The following PTPRK variants were observed in gnomAD, a reference collection of about 807,000 sequenced individuals.
The protein encoded by PTPRK is receptor-type tyrosine-protein phosphatase kappa.
In PTPRK, 75 loss-of-function variants were observed where a neutral mutation model predicts 178.0. The ratio of observed to expected loss-of-function variants is 0.42; its 90% CI spans 0.35 to 0.51. The LOEUF is 0.51. Among genes scored for constraint, PTPRK ranks in the 20% least tolerant of loss-of-function variants. The pLI, the probability that PTPRK is intolerant of heterozygous loss-of-function variation, is 0.02. For missense variants in PTPRK, 1,441 were observed against 1,797.8 expected, an observed-to-expected ratio of 0.80 and a Z score of 3.59; for synonymous variants, 637 against 620.6, an observed-to-expected ratio of 1.03 and a Z score of -0.39.
intron 7 of PTPRK, among the ~76,000 whole-genome samples, chr6:128,142,153 A>G (rs1795862628): frequency 6.6e-6 from 1 of 152,004 alleles, no homozygotes; most frequent in South Asian, 2.1e-4. Flanking sequence ...ACATAGATAC[A>G]ATACAGCTAT....
rs982495528 is a variant in PTPRK at position 128,321,837 on chromosome 6, G to A, written c.495+202C>T. 12 of 736,844 alleles carry A rather than the reference G, an allele frequency of 1.6e-5. No homozygotes were observed. The African/African-American group carries it at 1.9e-4, about 12-fold the overall frequency. The allele number at this position is 736,844 out of a possible 1,614,324, so 45.6% of individuals were successfully genotyped here. A position where few individuals can be genotyped will look rare whatever the true frequency, so the allele number is the denominator to read the frequency against. On this transcript the variant is annotated intron_variant, in intron 3 of 29. Transcript: ENST00000368226. ...TCTCCAAACACTTCCTCATCAACAG[G>A]GTGGGGAAGAAAGAGGGGCAATCTC... is the stretch of plus-strand genomic sequence containing the variant.
At chr6:128,297,806 A>G (rs1487625018) in intron 3 of PTPRK, among the ~76,000 whole-genome samples, 1 of 152,206 alleles carries the variant, frequency 6.6e-6, no homozygotes, top group African/African-American at 2.4e-5. Context: ...TAACATCACA[A>G]TTAAAAGAAC....
At chr6:128,205,185 C>T (rs867109869) in intron 6 of PTPRK, among the ~76,000 whole-genome samples, 11 of 152,096 alleles carry the variant, frequency 7.2e-5, no homozygotes, top group South Asian at 4.2e-4. Context: ...CACCACATTC[C>T]GCACTTATAA....
At chr6:128,411,263 G>T (rs142946390) in intron 1 of PTPRK, among the ~76,000 whole-genome samples, 1 of 151,978 alleles carries the variant, frequency 6.6e-6, no homozygotes, top group Non-Finnish European at 1.5e-5. Context: ...TAAGCATTTC[G>T]GACACAAAGT....
At chr6:128,301,970 G>A (rs116601104) in intron 3 of PTPRK, among the ~76,000 whole-genome samples, 1 of 152,024 alleles carries the variant, frequency 6.6e-6, no homozygotes, top group African/African-American at 2.4e-5. Context: ...TCAAAAATTG[G>A]CCTTCTGTTA....
intron 7 of PTPRK, among the ~76,000 whole-genome samples, chr6:128,152,626 G>A (rs1797428445): frequency 3.3e-5 from 5 of 151,852 alleles, no homozygotes; most frequent in Admixed American, 6.6e-5. Context: ...AAATCAAAGG[G>A]TCTGAGCAGT....
intron 2 of PTPRK, among the ~76,000 whole-genome samples, chr6:128,326,413 C>T (rs1460200276): frequency 6.6e-6 from 1 of 152,018 alleles, no homozygotes; most frequent in Admixed American, 6.6e-5. Context: ...TAAAAGATGC[C>T]TAACTCATTA....
At chr6:128,404,220 T>C (rs1482555568) in intron 1 of PTPRK, among the ~76,000 whole-genome samples, 1 of 152,200 alleles carries the variant, frequency 6.6e-6, no homozygotes, top group Non-Finnish European at 1.5e-5. Context: ...AGAATGATAG[T>C]GCTACATCTG....
intron 13 of PTPRK, among the ~76,000 whole-genome samples, chr6:128,036,765 C>T (rs977981032): frequency 3.1e-4 from 47 of 149,914 alleles, no homozygotes; most frequent in African/African-American, 1.1e-3. Flanking sequence ...GATGGAGCTT[C>T]GCTCTTGTTA....
chr6:128,034,758 G>C (rs1317805836), intron 13 of PTPRK, among the ~76,000 whole-genome samples: 1 of 152,108 alleles, frequency 6.6e-6, no homozygotes, highest in East Asian at 1.9e-4. Context: ...ATCAGAAGTA[G>C]GTGTTCAAGA....
intron 2 of PTPRK, among the ~76,000 whole-genome samples, chr6:128,347,090 G>C (rs540113112): frequency 3.1e-4 from 47 of 152,198 alleles, no homozygotes; most frequent in African/African-American, 1.0e-3. Context: ...TTTGGATTGA[G>C]ATCCTGCACC....
chr6:128,190,824 C>G (rs561727285), intron 6 of PTPRK, among the ~76,000 whole-genome samples: 2 of 152,188 alleles, frequency 1.3e-5, no homozygotes, highest in Admixed American at 6.5e-5. Context: ...AATCATATTA[C>G]TCAGGTGGCT....
intron 5 of PTPRK, among the ~76,000 whole-genome samples, chr6:128,236,990 T>C (rs193299209): frequency 6.6e-6 from 1 of 152,294 alleles, no homozygotes; most frequent in Admixed American, 6.5e-5. Context: ...TTGTATATTA[T>C]TTTAGACAAC....
chr6:128,122,765 A>G (rs1045603159), intron 7 of PTPRK, among the ~76,000 whole-genome samples: 1 of 152,218 alleles, frequency 6.6e-6, no homozygotes, highest in African/African-American at 2.4e-5. Context: ...CATGCTTATC[A>G]GTGAATACCA....
chr6:128,393,341 G>A (rs985701497), intron 2 of PTPRK, among the ~76,000 whole-genome samples: 6 of 151,912 alleles, frequency 3.9e-5, no homozygotes, highest in African/African-American at 9.7e-5. Context: ...CGCCCGCCTC[G>A]GTCTTCCAAA....
Position 127,991,354 on chromosome 6 carries a change from C to T in PTPRK, c.2919G>A (p.Met973Ile). Residue 973 changes from methionine (M) to isoleucine (I), a missense_variant, in exon 20 of 30, where the codon ATG becomes ATA. This residue lies in a region of PTPRK where 945 missense variants were observed against 1,080.6 expected (regional missense o/e 0.87). Coordinates refer to ENST00000368226, the MANE Select transcript of PTPRK (RefSeq NM_002844.4). ...VHETVYDFWR[M>I]IWQEQSACIV... ...TGCAAGCAGATTGTTCTTGCCAAAT[C>T]ATCCTCCAGAAATCATACACTGTTT... 5 of 1,602,000 alleles carry T rather than the reference C, an allele frequency of 3.1e-6. No homozygotes were observed. The highest frequency in any genetic ancestry group is 4.3e-6 in the Non-Finnish European group (5 of 1,174,336).
chr6:128,422,280 A>G (rs1843568966), intron 1 of PTPRK, among the ~76,000 whole-genome samples: 1 of 152,100 alleles, frequency 6.6e-6, no homozygotes, highest in Non-Finnish European at 1.5e-5. Flanking sequence ...ACTCTCCCCC[A>G]CCTTCTCCCA....
Position 128,276,631 on chromosome 6 carries a change from G to C in PTPRK, c.496-34029C>G, listed in dbSNP as rs78181813. Among the ~76,000 whole-genome samples, 394 of 152,246 alleles carry C rather than the reference G, an allele frequency of 2.6e-3. 1 individual carries two copies. Among genetic ancestry groups the C allele is most frequent in the African/African-American group, 9.0e-3 (373 of 41,574 alleles). On this transcript the variant is annotated intron_variant, in intron 3 of 29. Coordinates refer to ENST00000368226, the MANE Select transcript of PTPRK (RefSeq NM_002844.4). ...GCAGCTCCCAGTGTAATGTGATTCA[G>C]TAAAACAATTCCATTGGGAGGTAAA... is the stretch of plus-strand genomic sequence containing the variant.
In PTPRK at chr6:128,123,167, T is replaced by A. The variant is rs901828621; in HGVS notation, c.1163-33175A>T. On this transcript the variant is annotated intron_variant, in intron 7 of 29. Coordinates refer to ENST00000368226, the MANE Select transcript of PTPRK (RefSeq NM_002844.4). ...GAGAAGATGAAAGCAGAGATTGGAG[T>A]GATGCATCTGGAAGCCCAAAAATGC... is the stretch of plus-strand genomic sequence containing the variant. Among the ~76,000 whole-genome samples, 11 of 151,758 alleles carry A rather than the reference T, an allele frequency of 7.2e-5. No individual in the cohort carries two copies. In the East Asian group the frequency reaches 2.1e-3, roughly 29 times the overall value.
Sources: gnomAD v4.1 joint callset for allele counts (sites outside exome capture counted in the v4.1 genomes callset) on GRCh38, gnomAD v4.1.1 for gene constraint, gnomAD v4.1.1 regional missense constraint, MANE v1.5 for transcripts, NCBI Gene and HGNC (gene_info 2026-07-23, HGNC 2026-07-21) for gene names.